Variants in VPS13B observed in about 807,000 individuals in gnomAD.
The protein encoded by VPS13B is vacuolar protein sorting 13 homolog B.
VPS13B carries 285 observed loss-of-function variants against 426.4 expected under a neutral mutation model. The observed-to-expected ratio is 0.67, with a 90% confidence interval of 0.61 to 0.74. The LOEUF is 0.74. Ranked by LOEUF, VPS13B falls within the 30% of genes least tolerant of loss-of-function variation. The pLI is 0.00. For synonymous variants in VPS13B, 1,676 were observed against 1,676.4 expected, an observed-to-expected ratio of 1.00 and a Z score of 0.01; for missense variants, 4,537 against 4,782.6, an observed-to-expected ratio of 0.95 and a Z score of 1.51.
chr8:99,254,216 A>G (rs1817640305), intron 17 of VPS13B, among the ~76,000 whole-genome samples: 1 of 152,134 alleles, frequency 6.6e-6, no homozygotes, highest in Non-Finnish European at 1.5e-5. Flanking sequence ...CTTTTACTGT[A>G]GATCTGCTTA....
intron 43 of VPS13B, among the ~76,000 whole-genome samples, chr8:99,801,683 TACTCTA>T (rs1813131253): frequency 6.6e-6 from 1 of 152,210 alleles, no homozygotes; most frequent in Admixed American, 6.5e-5. Context: ...ATGTTTTTCT[TACTCTA>T]AAAACATTTT....
At chr8:99,817,342 T>G (rs1238323920) in intron 44 of VPS13B, among the ~76,000 whole-genome samples, 198 bp from the exon 45 acceptor site, 2 of 152,090 alleles carry the variant, frequency 1.3e-5, no homozygotes, top group Non-Finnish European at 2.9e-5. Context: ...GTCTGTCCTT[T>G]AAATACTGCA....
chr8:99,462,774 C>T (rs896068721), intron 23 of VPS13B, among the ~76,000 whole-genome samples: 3 of 152,088 alleles, frequency 2.0e-5, no homozygotes, highest in African/African-American at 7.2e-5. Flanking sequence ...AGGTTGGAGC[C>T]AGTGGGATTA....
chr8:99,339,071 C>T (rs1811087977), intron 19 of VPS13B, among the ~76,000 whole-genome samples: 1 of 152,004 alleles, frequency 6.6e-6, no homozygotes, highest in Non-Finnish European at 1.5e-5. Flanking sequence ...CCTGTAAATA[C>T]TTTTAGTATA....
intron 2 of VPS13B, among the ~76,000 whole-genome samples, chr8:99,021,225 C>T (rs1841866934): frequency 6.6e-6 from 1 of 152,186 alleles, no homozygotes; most frequent in African/African-American, 2.4e-5. Flanking sequence ...AAAGTATTTA[C>T]TGTCTCCCTC....
chr8:99,584,658 A>T (rs988920625), intron 33 of VPS13B, among the ~76,000 whole-genome samples: 1 of 152,126 alleles, frequency 6.6e-6, no homozygotes, highest in African/African-American at 2.4e-5. Flanking sequence ...TGTTAAATAT[A>T]CTCTATGGAA....
chr8:99,054,773 A>G (rs1211025641), intron 3 of VPS13B, among the ~76,000 whole-genome samples: 1 of 152,156 alleles, frequency 6.6e-6, no homozygotes. Context: ...TATGTTGTAT[A>G]TGGGTTCAAC....
chr8:99,809,574 C>A, intron 44 of VPS13B, 44 bp downstream of exon 44: 1 of 1,610,212 alleles, frequency 6.2e-7, no homozygotes, highest in Non-Finnish European at 8.5e-7. Context: ...CTTAATTATT[C>A]AGTGTAATGG....
intron 21 of VPS13B, among the ~76,000 whole-genome samples, chr8:99,406,098 C>T (rs777422303): frequency 1.5e-4 from 23 of 152,036 alleles, no homozygotes; most frequent in Admixed American, 2.6e-4. Flanking sequence ...TTTCATACTG[C>T]AGGTCTTAGT....
chr8:99,577,296 C>G (rs1462150531), intron 32 of VPS13B, among the ~76,000 whole-genome samples, 194 bp from the exon 33 acceptor site: 1 of 152,102 alleles, frequency 6.6e-6, no homozygotes, highest in Admixed American at 6.6e-5. Context: ...ACAGCAGGCC[C>G]TCATAAATAT....
At chr8:99,521,549 C>T (rs56174158) in intron 30 of VPS13B, among the ~76,000 whole-genome samples, 40,502 of 152,024 alleles carry the variant, frequency 0.27, 6,151 homozygotes, top group East Asian at 0.45. Flanking sequence ...ACCAAGCATA[C>T]ATGGACAACT....
Position 99,714,806 on chromosome 8 carries a change from G to A in VPS13B, c.6455-2365G>A, listed in dbSNP as rs866471568. 2.5e-4 allele frequency among the ~76,000 whole-genome samples: 38 copies of A among 152,244 alleles called. 1 individual carries two copies. Among genetic ancestry groups the A allele is most frequent in the Middle Eastern group, 3.4e-3 (1 of 294 alleles). On this transcript the variant is annotated intron_variant, in intron 36 of 61. Coordinates refer to ENST00000357162, the MANE Select transcript of VPS13B (RefSeq NM_152564.5). ...CAGTATCAAGGTCATGAAAGACAAA[G>A]AAAGCTGGGGGATGTGTCACATATT...
At chr8:99,412,866 G>C (rs1815764184) in intron 21 of VPS13B, among the ~76,000 whole-genome samples, 1 of 151,080 alleles carries the variant, frequency 6.6e-6, no homozygotes, top group African/African-American at 2.4e-5. Context: ...GTGTGTTATT[G>C]ATTTGCGTAT....
At chr8:99,783,159 T>G (rs1360488533) in intron 42 of VPS13B, among the ~76,000 whole-genome samples, 1 of 152,196 alleles carries the variant, frequency 6.6e-6, no homozygotes, top group Non-Finnish European at 1.5e-5. Flanking sequence ...GGATTCCAAG[T>G]ACATTCATCT....
intron 51 of VPS13B, among the ~76,000 whole-genome samples, chr8:99,831,968 G>A (rs1815087455): frequency 6.6e-6 from 1 of 152,062 alleles, no homozygotes; most frequent in African/African-American, 2.4e-5. Context: ...CTTAGAAGAT[G>A]TGCTTTACGG....
chr8:99,805,267 G>C (rs1022385338), intron 43 of VPS13B, among the ~76,000 whole-genome samples: 1 of 151,374 alleles, frequency 6.6e-6, no homozygotes, highest in South Asian at 2.1e-4. Context: ...ACAAATGAGT[G>C]TGAAGATAAA....
chr8:99,247,228 T>C (rs551468222), intron 17 of VPS13B, among the ~76,000 whole-genome samples: 2 of 152,362 alleles, frequency 1.3e-5, no homozygotes, highest in South Asian at 2.1e-4. Flanking sequence ...TATTTTAGAA[T>C]ATTACCAAGT....
chr8:99,810,283 C>T (rs1210111656), intron 44 of VPS13B, among the ~76,000 whole-genome samples: 2 of 152,184 alleles, frequency 1.3e-5, no homozygotes, highest in Non-Finnish European at 2.9e-5. Flanking sequence ...TCACTGCACA[C>T]ATAATAACTG....
chr8:99,851,375 G>C (rs75976109), intron 55 of VPS13B, among the ~76,000 whole-genome samples: 2 of 152,278 alleles, frequency 1.3e-5, no homozygotes, highest in East Asian at 3.9e-4. Flanking sequence ...AATTGGGCAA[G>C]GTGATGGGGG....
Sources: allele counts gnomAD v4.1 joint callset (sites outside exome capture counted in the v4.1 genomes callset), GRCh38; gene constraint gnomAD v4.1.1; transcripts MANE v1.5; gene names NCBI Gene and HGNC (gene_info 2026-07-23, HGNC 2026-07-21).